HGF: variants seen among roughly 807,000 people sequenced by gnomAD.
The protein encoded by HGF is hepatocyte growth factor.
HGF carries 39 observed loss-of-function variants against 111.6 expected under a neutral mutation model. That is an observed-to-expected ratio of 0.35 (90% CI 0.27 to 0.46). The LOEUF is 0.46. Among genes scored for constraint, HGF ranks in the 20% least tolerant of loss-of-function variants. The pLI is 1.00. For synonymous variants in HGF, 285 were observed against 294.8 expected, an observed-to-expected ratio of 0.97 and a Z score of 0.34; for missense variants, 735 against 910.5, an observed-to-expected ratio of 0.81 and a Z score of 2.48.
chr7:81,711,870 C>G (rs533535671), intron 11 of HGF, among the ~76,000 whole-genome samples: 2 of 152,266 alleles, frequency 1.3e-5, no homozygotes, highest in African/African-American at 4.8e-5. Flanking sequence ...TCTCAAACTC[C>G]TGACCTCAAA....
intron 4 of HGF, among the ~76,000 whole-genome samples, chr7:81,753,328 C>T (rs1451287015): frequency 6.7e-6 from 1 of 150,246 alleles, no homozygotes; most frequent in Non-Finnish European, 1.5e-5. Flanking sequence ...ACAGGTAATA[C>T]CAGTAAACAT....
At chr7:81,763,776 G>A (rs1342770424) in intron 1 of HGF, among the ~76,000 whole-genome samples, 1 of 152,136 alleles carries the variant, frequency 6.6e-6, no homozygotes, top group Non-Finnish European at 1.5e-5. Context: ...AAGGATAGAT[G>A]TGCTTGTGCC....
intron 7 of HGF, among the ~76,000 whole-genome samples, chr7:81,735,547 G>T (rs916497163): frequency 6.6e-6 from 1 of 151,902 alleles, no homozygotes; most frequent in Admixed American, 6.6e-5. Flanking sequence ...TTTTGTAATT[G>T]TATACAATTT....
intron 14 of HGF, among the ~76,000 whole-genome samples, chr7:81,707,040 C>G (rs1283348629): frequency 1.3e-5 from 2 of 151,688 alleles, no homozygotes; most frequent in Non-Finnish European, 2.9e-5. Flanking sequence ...AAAACATTTA[C>G]ATAATTCTAG....
In HGF at chr7:81,705,554, C is replaced by T. The variant is rs2115762964; in HGVS notation, c.1865-19G>A. ...TTGATCACTAGATTGATGCAAAAAA[C>T]ATACAATAAGGTGAGAAAAGTAAGA... On this transcript the variant is annotated intron_variant, in intron 16 of 17. Coordinates refer to ENST00000222390, the MANE Select transcript of HGF (RefSeq NM_000601.6). 6.2e-7 allele frequency: 1 copy of T among 1,610,956 alleles called. No homozygotes were observed. The highest frequency in any genetic ancestry group is 1.3e-5 in the African/African-American group (1 of 74,876).
At chr7:81,744,897 A>C (rs1788167650) in intron 6 of HGF, 103 bp downstream of exon 6, 1 of 1,282,960 alleles carries the variant, frequency 7.8e-7, no homozygotes, top group African/African-American at 1.5e-5. Context: ...TTCATGTCCT[A>C]TCGGGAAAAC....
intron 6 of HGF, among the ~76,000 whole-genome samples, chr7:81,744,702 C>T (rs1351481181): frequency 6.6e-6 from 1 of 152,052 alleles, no homozygotes; most frequent in African/African-American, 2.4e-5. Flanking sequence ...CACTCTATAC[C>T]CTGCTGATGA....
intron 4 of HGF, among the ~76,000 whole-genome samples, chr7:81,753,022 G>C (rs1272027967): frequency 1.3e-5 from 2 of 152,056 alleles, no homozygotes; most frequent in African/African-American, 4.8e-5. Context: ...ATAAAGAACA[G>C]AATTGCTTAT....
At chr7:81,742,969 A>G (rs1788069455) in intron 7 of HGF, 1 of 1,611,166 alleles carries the variant, frequency 6.2e-7, no homozygotes, top group Admixed American at 1.7e-5. Flanking sequence ...AAAGGTAGGT[A>G]AAGGATACAG....
chr7:81,769,096 T>C (rs952026193), intron 1 of HGF, among the ~76,000 whole-genome samples: 3 of 152,206 alleles, frequency 2.0e-5, no homozygotes, highest in Middle Eastern at 3.4e-3. Context: ...TCTACAATGA[T>C]ACAACAAAAT....
intron 1 of HGF, 138 bp from the exon 2 acceptor site, chr7:81,763,010 C>G (rs5745628): frequency 1.2e-4 from 73 of 634,286 alleles, no homozygotes; most frequent in African/African-American, 1.1e-3. Context: ...GGGTTAGGAG[C>G]AGAGTGAGGT....
intron 8 of HGF, among the ~76,000 whole-genome samples, chr7:81,726,314 A>C (rs1409617285): frequency 6.6e-6 from 1 of 152,170 alleles, no homozygotes; most frequent in Non-Finnish European, 1.5e-5. Context: ...CTTCTCACTC[A>C]GTCTTAAGAT....
At chr7:81,761,298 G>A (rs1004866860) in intron 2 of HGF, among the ~76,000 whole-genome samples, 3 of 152,144 alleles carry the variant, frequency 2.0e-5, no homozygotes, top group African/African-American at 7.2e-5. Flanking sequence ...CTCTTGCCAG[G>A]AACTATCTCC....
At chr7:81,749,897 T>C (rs376187174) in intron 5 of HGF, among the ~76,000 whole-genome samples, 1 of 152,038 alleles carries the variant, frequency 6.6e-6, no homozygotes, top group Non-Finnish European at 1.5e-5. Flanking sequence ...CTATATGTCT[T>C]TTTCATTTGA....
At chr7:81,726,078 C>A (rs1790000792) in intron 8 of HGF, 61 bp from the exon 9 acceptor site, 1 of 1,526,204 alleles carries the variant, frequency 6.6e-7, no homozygotes, top group Non-Finnish European at 9.1e-7. Flanking sequence ...GAAGTCAGCG[C>A]TATTACATTT....
Position 81,713,989 on chromosome 7 carries a change from CGTGTGTGTGTGTGTGT to C in HGF, c.1406-2486_1406-2471del, listed in dbSNP as rs10539468. Among the ~76,000 whole-genome samples the C allele has an allele frequency of 1.8e-4, 25 of 142,418 alleles. No homozygotes were observed. In the East Asian group the frequency reaches 2.1e-3, roughly 12 times the overall value. The allele number at this position is 142,418 out of a possible 152,430, so 93.4% of individuals were successfully genotyped here. A position where few individuals can be genotyped will look rare whatever the true frequency, so the allele number is the denominator to read the frequency against. On this transcript the variant is annotated intron_variant, in intron 11 of 17. Coordinates refer to ENST00000222390, the MANE Select transcript of HGF (RefSeq NM_000601.6). ...CTACGGAAGGGTAGGGGTGTGTGTGCGTGTGTGTGTGTGTGTGTGTGTGTGTGTGTGTGTGTGTGTA... is the reference window on the plus strand; with the variant it reads ...CTACGGAAGGGTAGGGGTGTGTGTGCGTGTGTGTGTGTGTGTGTGTGTGTA...
intron 9 of HGF, among the ~76,000 whole-genome samples, chr7:81,725,207 C>T (rs1789974321): frequency 6.6e-6 from 1 of 152,192 alleles, no homozygotes; most frequent in Admixed American, 6.5e-5. Context: ...AGCAAAAGGG[C>T]AAACAATTCC....
In HGF at chr7:81,706,445, A is replaced by C. The variant is rs763545388; in HGVS notation, c.1617-18T>G. ...TCAAGTCTCTGTTTTGAAGGAAAAA[A>C]ATTTAAATGTAAAACATAATAATTC... On this transcript the variant is annotated intron_variant, in intron 14 of 17. Coordinates refer to ENST00000222390, the MANE Select transcript of HGF (RefSeq NM_000601.6). 2 of 1,595,408 alleles carry C rather than the reference A, an allele frequency of 1.3e-6. No homozygotes were observed. Among genetic ancestry groups the C allele is most frequent in the Non-Finnish European group, 1.7e-6 (2 of 1,163,648 alleles).
intron 5 of HGF, among the ~76,000 whole-genome samples, chr7:81,747,973 T>C (rs938681115): frequency 1.3e-5 from 2 of 152,018 alleles, no homozygotes; most frequent in Non-Finnish European, 2.9e-5. Context: ...AACAAATAAA[T>C]ATGAAAACAT....
Sources: gnomAD v4.1 joint callset for allele counts (sites outside exome capture counted in the v4.1 genomes callset) on GRCh38, gnomAD v4.1.1 for gene constraint, MANE v1.5 for transcripts, NCBI Gene and HGNC (gene_info 2026-07-23, HGNC 2026-07-21) for gene names.